Variants in CDK12 observed in about 807,000 individuals in gnomAD.
CDK12 encodes cyclin-dependent kinase 12.
Under a neutral mutation model 133.8 loss-of-function variants are expected in CDK12, and 17 were observed. That is an observed-to-expected ratio of 0.13 (90% CI 0.09 to 0.19). CDK12 has a LOEUF of 0.19. Among genes scored for constraint, CDK12 ranks in the 10% least tolerant of loss-of-function variants. The pLI, the probability that CDK12 is intolerant of heterozygous loss-of-function variation, is 1.00. For synonymous variants in CDK12, 694 were observed against 683.6 expected (o/e 1.02, Z -0.24); for missense variants, 1,508 against 1,818.7 (o/e 0.83, Z 3.11).
At chr17:39,473,992 G>C (rs2050000218) in intron 2 of CDK12, among the ~76,000 whole-genome samples, 1 of 152,180 alleles carries the variant, frequency 6.6e-6, no homozygotes. Context: ...AGGAGGCAGA[G>C]GCTGCAGTGA....
intron 1 of CDK12, among the ~76,000 whole-genome samples, chr17:39,470,413 G>A (rs2049706286): frequency 6.6e-6 from 1 of 152,114 alleles, no homozygotes; most frequent in African/African-American, 2.4e-5. Context: ...GAGCTACCGT[G>A]CCCAGCCAGT....
chr17:39,495,100 A>G (rs1305633540), intron 5 of CDK12, among the ~76,000 whole-genome samples: 1 of 151,150 alleles, frequency 6.6e-6, no homozygotes, highest in Non-Finnish European at 1.5e-5. Context: ...ATTTATTTTG[A>G]GACAGTCTCG....
chr17:39,562,735 G>A (rs1018040433), intron 3 of CDK12, among the ~76,000 whole-genome samples: 1 of 152,124 alleles, frequency 6.6e-6, no homozygotes, highest in African/African-American at 2.4e-5. Flanking sequence ...TGTAGAGTGA[G>A]GTACCCATAA....
chr17:39,551,701 C>A (rs566194964), intron 2 of CDK12, among the ~76,000 whole-genome samples: 3 of 152,234 alleles, frequency 2.0e-5, no homozygotes, highest in African/African-American at 7.2e-5. Flanking sequence ...AGCTCTTAGA[C>A]CCCTCTGACT....
intron 2 of CDK12, among the ~76,000 whole-genome samples, chr17:39,479,167 G>A (rs563323418): frequency 6.2e-4 from 94 of 152,110 alleles, no homozygotes; most frequent in Non-Finnish European, 9.7e-4. Flanking sequence ...AATTAGCCGG[G>A]CATGGTGGCG....
chr17:39,462,059 C>G lies in CDK12; in HGVS notation c.-13C>G. The G allele has an allele frequency of 6.2e-7, 1 of 1,607,242 alleles. No individual in the cohort carries two copies. Among genetic ancestry groups the G allele is most frequent in the Non-Finnish European group, 8.5e-7 (1 of 1,175,156 alleles). On this transcript the variant is annotated 5_prime_UTR_variant, in exon 1 of 14. Coordinates refer to ENST00000447079, the MANE Select transcript of CDK12 (RefSeq NM_016507.4). ...GGGAACTTTTTTCCCTTCTTCAGGT[C>G]AGGGGAAAGGGAATGCCCAATTCAG...
At chr17:39,501,540 G>C in intron 6 of CDK12, 101 bp downstream of exon 6, 1 of 708,932 alleles carries the variant, frequency 1.4e-6, no homozygotes, top group Non-Finnish European at 2.3e-6. Flanking sequence ...TAATAGTGCA[G>C]TATTCACACA....
At chr17:39,519,909 A>G (rs1313535419) in intron 10 of CDK12, 47 bp from the exon 11 acceptor site, 1 of 1,609,742 alleles carries the variant, frequency 6.2e-7, no homozygotes, top group Non-Finnish European at 8.5e-7. Context: ...AAATTTGAGA[A>G]CTGTAGGGTC....
intron 13 of CDK12, 85 bp from the exon 14 acceptor site, chr17:39,530,515 ATTTG>A (rs762045121): frequency 7.4e-6 from 11 of 1,479,746 alleles, no homozygotes; most frequent in Non-Finnish European, 9.9e-6. Flanking sequence ...TTATATTGAT[ATTTG>A]TTTATGTTGC....
chr17:39,559,484 C>G (rs1420599393), intron 3 of CDK12, among the ~76,000 whole-genome samples: 4 of 152,138 alleles, frequency 2.6e-5, no homozygotes, highest in African/African-American at 4.8e-5. Context: ...ACACCTCCTT[C>G]CCTCTCACCC....
chr17:39,538,026 A>C (rs1335371248), downstream of CDK12, among the ~76,000 whole-genome samples: 1 of 152,192 alleles, frequency 6.6e-6, no homozygotes, highest in South Asian at 2.1e-4. Flanking sequence ...TAATTACAGT[A>C]GTCTTACCTT....
chr17:39,470,802 A>G, intron 1 of CDK12, 77 bp from the exon 2 acceptor site: 2 of 1,174,360 alleles, frequency 1.7e-6, no homozygotes, highest in South Asian at 1.6e-5. Flanking sequence ...AGTTCTTCAT[A>G]GTTTGTTTTA....
At chr17:39,529,109 C>A (rs2054669113) in intron 13 of CDK12, among the ~76,000 whole-genome samples, 1 of 152,170 alleles carries the variant, frequency 6.6e-6, no homozygotes, top group Admixed American at 6.5e-5. Flanking sequence ...CATAGGGTCA[C>A]CAATTCATTC....
intron 2 of CDK12, among the ~76,000 whole-genome samples, chr17:39,553,465 C>A (rs978842342): frequency 1.9e-4 from 29 of 152,248 alleles, no homozygotes; most frequent in African/African-American, 6.3e-4. Context: ...AGCATTCTTA[C>A]CCCATCCTCT....
At chr17:39,560,054 C>T (rs527258601) in intron 3 of CDK12, among the ~76,000 whole-genome samples, 1 of 152,158 alleles carries the variant, frequency 6.6e-6, no homozygotes, top group African/African-American at 2.4e-5. Context: ...GCCTTAGACT[C>T]TCAAGTTGCT....
At chr17:39,505,497 C>G in intron 6 of CDK12, among the ~76,000 whole-genome samples, 1 of 141,140 alleles carries the variant, frequency 7.1e-6, no homozygotes, top group East Asian at 2.0e-4. Context: ...TGCACTCCAG[C>G]CTGGTGACAG....
At chr17:39,557,190 C>G (rs1339785582) in intron 3 of CDK12, 3 of 152,182 alleles carry the variant, frequency 2.0e-5, no homozygotes, top group Admixed American at 6.5e-5. Flanking sequence ...GCTGGCTGGA[C>G]TTCTACAGCT....
chr17:39,528,999 C>A (rs778890933), intron 13 of CDK12, among the ~76,000 whole-genome samples: 1 of 152,140 alleles, frequency 6.6e-6, no homozygotes, highest in Admixed American at 6.5e-5. Flanking sequence ...TCTCCATGTT[C>A]AAAATTTTCC....
intron 2 of CDK12, among the ~76,000 whole-genome samples, chr17:39,480,723 G>A (rs1306225447): frequency 5.3e-5 from 8 of 151,848 alleles, no homozygotes; most frequent in Non-Finnish European, 7.4e-5. Context: ...ACGCCCAGCC[G>A]AAACTTTTCT....
Sources: allele counts gnomAD v4.1 joint callset (sites outside exome capture counted in the v4.1 genomes callset), GRCh38; gene constraint gnomAD v4.1.1; transcripts MANE v1.5; gene names NCBI Gene and HGNC (gene_info 2026-07-23, HGNC 2026-07-21).